The following KIAA1217 variants were observed in gnomAD, a reference collection of about 807,000 sequenced individuals.
KIAA1217 encodes the protein sickle tail protein homolog.
In KIAA1217, 88 loss-of-function variants were observed where a neutral mutation model predicts 163.9. The ratio of observed to expected loss-of-function variants is 0.54; its 90% CI spans 0.45 to 0.64. The LOEUF is 0.64. Among genes scored for constraint, KIAA1217 ranks in the 30% least tolerant of loss-of-function variants. KIAA1217 has a pLI of 0.00. For synonymous variants in KIAA1217, 903 were observed against 923.1 expected, an observed-to-expected ratio of 0.98 and a Z score of 0.39; for missense variants, 2,372 against 2,475.0, an observed-to-expected ratio of 0.96 and a Z score of 0.88.
intron 2 of KIAA1217, among the ~76,000 whole-genome samples, chr10:24,130,020 T>C (rs1035533184): frequency 6.6e-5 from 10 of 152,140 alleles, no homozygotes; most frequent in African/African-American, 2.2e-4. Flanking sequence ...ATCCTTAGTA[T>C]ATGCATATTC....
At chr10:24,147,027 AAAAAC>A (rs900801561) in intron 2 of KIAA1217, among the ~76,000 whole-genome samples, 3 of 151,488 alleles carry the variant, frequency 2.0e-5, no homozygotes, top group African/African-American at 7.3e-5. Context: ...AAAAAAAAAA[AAAAAC>A]AGTTCCCAGA....
At chr10:23,798,023 A>G (rs900655849) in intron 1 of KIAA1217, among the ~76,000 whole-genome samples, 5 of 152,128 alleles carry the variant, frequency 3.3e-5, no homozygotes, top group Admixed American at 6.6e-5. Flanking sequence ...TTTAGTCACA[A>G]GTTCAATGGG....
intron 5 of KIAA1217, among the ~76,000 whole-genome samples, chr10:24,439,471 G>A (rs938141326): frequency 1.3e-5 from 2 of 152,170 alleles, no homozygotes; most frequent in Admixed American, 1.3e-4. Flanking sequence ...TCTGCTTCCT[G>A]ATAGTACATA....
chr10:23,924,940 T>G (rs560485227), intron 1 of KIAA1217, among the ~76,000 whole-genome samples: 2 of 134,684 alleles, frequency 1.5e-5, no homozygotes, highest in Non-Finnish European at 3.1e-5. Context: ...AAAGTAGATT[T>G]ACTTAGAGAA....
rs1834042511 is a variant in KIAA1217 at position 23,758,604 on chromosome 10, T to TTG, written c.-321+63371_-321+63372insGT. ...TTTTCTTGATTTTCTCTCTTTTCTT[T>TTG]TCTCTTTCTTTCTTTCTTACTTTCT... On this transcript the variant is annotated intron_variant, in intron 1 of 18. Transcript: ENST00000376462. Among the ~76,000 whole-genome samples, 13 of 147,970 alleles carry TTG rather than the reference T, an allele frequency of 8.8e-5. No homozygotes were observed. In the South Asian group the frequency reaches 2.8e-3, roughly 32 times the overall value.
chr10:24,411,853 AG>A (rs1200477113), intron 3 of KIAA1217, among the ~76,000 whole-genome samples: 4 of 151,858 alleles, frequency 2.6e-5, no homozygotes, highest in Non-Finnish European at 5.9e-5. Context: ...GAAAACTTTT[AG>A]TTTTCTTTGG....
At chr10:24,395,476 A>G (rs1212533797) in intron 3 of KIAA1217, among the ~76,000 whole-genome samples, 3 of 152,212 alleles carry the variant, frequency 2.0e-5, no homozygotes, top group Non-Finnish European at 2.9e-5. Context: ...TTTAGCAACC[A>G]GATGTTGATA....
At chr10:24,108,689 G>A (rs972248832) in intron 2 of KIAA1217, among the ~76,000 whole-genome samples, 9 of 152,154 alleles carry the variant, frequency 5.9e-5, no homozygotes, top group African/African-American at 2.2e-4. Flanking sequence ...TCATGTCACA[G>A]AATGATACTT....
intron 2 of KIAA1217, among the ~76,000 whole-genome samples, chr10:24,176,794 A>C (rs2065912908): frequency 6.6e-6 from 1 of 152,168 alleles, no homozygotes; most frequent in Non-Finnish European, 1.5e-5. Flanking sequence ...CCCATCGGGG[A>C]GGCTCAAGCC....
chr10:23,768,523 A>G (rs972287777), intron 1 of KIAA1217, among the ~76,000 whole-genome samples: 4 of 152,094 alleles, frequency 2.6e-5, no homozygotes, highest in African/African-American at 9.7e-5. Context: ...TTCCTGTGCT[A>G]CTCTTGTCTA....
intron 3 of KIAA1217, among the ~76,000 whole-genome samples, chr10:24,432,534 C>A (rs1263260444): frequency 6.6e-6 from 1 of 151,956 alleles, no homozygotes; most frequent in African/African-American, 2.4e-5. Flanking sequence ...TAGCTCACTG[C>A]AGCCTGCAAC....
At chr10:24,534,965 A>C (rs1317359397) in intron 16 of KIAA1217, among the ~76,000 whole-genome samples, 6 of 151,252 alleles carry the variant, frequency 4.0e-5, no homozygotes, top group African/African-American at 1.5e-4. Context: ...TCTGGCTGGG[A>C]TAGAAACCCA....
chr10:23,918,727 AAT>A (rs147936789), intron 1 of KIAA1217, among the ~76,000 whole-genome samples: 38 of 146,048 alleles, frequency 2.6e-4, no homozygotes, highest in East Asian at 8.2e-4. Context: ...TTAAGAATTA[AAT>A]ATATACACAC....
chr10:23,837,463 A>G (rs1029052636), intron 1 of KIAA1217, among the ~76,000 whole-genome samples: 1 of 152,190 alleles, frequency 6.6e-6, no homozygotes, highest in African/African-American at 2.4e-5. Flanking sequence ...ATGCACCCCA[A>G]GGACATTCTT....
intron 2 of KIAA1217, among the ~76,000 whole-genome samples, chr10:24,072,460 T>A (rs1048327781): frequency 1.3e-5 from 2 of 152,238 alleles, no homozygotes; most frequent in African/African-American, 4.8e-5. Flanking sequence ...TTGTCCTGCA[T>A]GTATTAGGTA....
chr10:24,156,125 T>C (rs1232128635), intron 2 of KIAA1217, among the ~76,000 whole-genome samples: 1 of 152,216 alleles, frequency 6.6e-6, no homozygotes, highest in East Asian at 1.9e-4. Flanking sequence ...CCATTTTTAA[T>C]GTTTTTCTCC....
rs547837183 is a variant in KIAA1217 at position 24,461,651 on chromosome 10, C to T, written c.847-11577C>T. On this transcript the variant is annotated intron_variant, in intron 5 of 20. Transcript: ENST00000376454. ...GATTACAGGTGTGAGCTACTGCACC[C>T]GGCTGTATAGCATAAAATTCTACAC... Among the ~76,000 whole-genome samples, 11 of 152,192 alleles carry T rather than the reference C, an allele frequency of 7.2e-5. No homozygotes were observed. The East Asian group carries it at 7.7e-4, about 11-fold the overall frequency.
intron 2 of KIAA1217, among the ~76,000 whole-genome samples, chr10:24,137,252 A>G (rs2063867285): frequency 6.6e-6 from 1 of 152,218 alleles, no homozygotes; most frequent in African/African-American, 2.4e-5. Context: ...TGTTGGCAAG[A>G]CCCATAGTTC....
intron 2 of KIAA1217, among the ~76,000 whole-genome samples, chr10:24,066,867 T>G (rs748035058): frequency 3.9e-5 from 6 of 152,148 alleles, no homozygotes; most frequent in Non-Finnish European, 8.8e-5. Context: ...TCTCTAAACT[T>G]CTCTTCACAC....
Sources: allele counts gnomAD v4.1 joint callset (sites outside exome capture counted in the v4.1 genomes callset), GRCh38; gene constraint gnomAD v4.1.1; transcripts MANE v1.5; gene names NCBI Gene and HGNC (gene_info 2026-07-23, HGNC 2026-07-21).